Variants in SLC44A5 observed in about 807,000 individuals in gnomAD.
SLC44A5 encodes choline transporter-like protein 5.
SLC44A5 carries 57 observed loss-of-function variants against 101.8 expected under a neutral mutation model. The observed-to-expected ratio is 0.56, with a 90% CI of 0.45 to 0.70. The LOEUF (loss-of-function observed/expected upper bound fraction) is 0.70, where lower values mean the gene tolerates loss of function less well. SLC44A5 is among the 30% of genes least tolerant of loss of function. The pLI, the probability that SLC44A5 is intolerant of heterozygous loss-of-function variation, is 0.00. For missense variants in SLC44A5, 737 were observed against 853.1 expected (o/e 0.86, Z 1.70); for synonymous variants, 281 against 290.9 (o/e 0.97, Z 0.35).
chr1:75,481,477 A>G (rs1019304856), intron 2 of SLC44A5, among the ~76,000 whole-genome samples: 2 of 150,192 alleles, frequency 1.3e-5, no homozygotes, highest in African/African-American at 4.9e-5. Context: ...AACCTACAAA[A>G]TGGGAGAAAA....
rs1376078606 is a variant in SLC44A5, at chr1:75,280,473, TA to T, written c.176-5432del. On this transcript the variant is annotated intron_variant, in intron 5 of 23. Coordinates refer to ENST00000370859, the MANE Select transcript of SLC44A5 (RefSeq NM_001130058.2). Reference sequence around the variant, plus strand: ...TATTATATATAGTATATATAATATATAATTGTATATATTATATATATTATAT... The same window carrying T: ...TATTATATATAGTATATATAATATATATTGTATATATTATATATATTATAT... Among the ~76,000 whole-genome samples, 46 of 114,508 alleles carry T rather than the reference TA, an allele frequency of 4.0e-4. 1 individual carries two copies. The highest frequency in any genetic ancestry group is 3.0e-3 in the East Asian group (13 of 4,376). The allele number at this position is 114,508 out of a possible 152,430, so 75.1% of individuals were successfully genotyped here. A position where few individuals can be genotyped will look rare whatever the true frequency, so the allele number is the denominator to read the frequency against.
intron 4 of SLC44A5, among the ~76,000 whole-genome samples, chr1:75,303,267 G>T (rs1040652333): frequency 2.0e-5 from 3 of 152,090 alleles, no homozygotes; most frequent in African/African-American, 7.2e-5. Flanking sequence ...CCGGAGTCTT[G>T]CTCTGTCACC....
At chr1:75,420,303 A>C (rs1476695085) in intron 2 of SLC44A5, among the ~76,000 whole-genome samples, 1 of 152,168 alleles carries the variant, frequency 6.6e-6, no homozygotes, top group South Asian at 2.1e-4. Flanking sequence ...CAATTGGTAA[A>C]AAATAAAACA....
At chr1:75,597,823 A>T (rs1434037453) in intron 1 of SLC44A5, among the ~76,000 whole-genome samples, 1 of 152,212 alleles carries the variant, frequency 6.6e-6, no homozygotes, top group African/African-American at 2.4e-5. Context: ...TATAAAACCT[A>T]AAAGTATAAA....
intron 5 of SLC44A5, among the ~76,000 whole-genome samples, chr1:75,295,267 G>A (rs1244863924): frequency 2.6e-5 from 4 of 152,198 alleles, no homozygotes; most frequent in Admixed American, 2.6e-4. Flanking sequence ...TTCTTTGTAT[G>A]GACAGAATGA....
intron 2 of SLC44A5, among the ~76,000 whole-genome samples, chr1:75,509,398 AAT>A (rs1669445202): frequency 6.6e-6 from 1 of 152,232 alleles, no homozygotes; most frequent in Admixed American, 6.5e-5. Flanking sequence ...TAGAAGACTC[AAT>A]ATGTTTGCCC....
At chr1:75,266,936 T>A (rs966701726) in intron 6 of SLC44A5, among the ~76,000 whole-genome samples, 5 of 152,192 alleles carry the variant, frequency 3.3e-5, no homozygotes, top group Admixed American at 6.6e-5. Flanking sequence ...GGAAGAGGAA[T>A]GGTGACGGTG....
intron 5 of SLC44A5, among the ~76,000 whole-genome samples, chr1:75,290,144 C>T (rs75278970): frequency 0.058 from 8,856 of 152,126 alleles, 300 homozygotes; most frequent in Middle Eastern, 0.13. Flanking sequence ...ACAATGTGTA[C>T]GCAACAAATT....
chr1:75,709,460 G>A, the SLC44A5 span, among the ~76,000 whole-genome samples: 9 of 152,152 alleles, frequency 5.9e-5, no homozygotes, highest in East Asian at 7.7e-4. Flanking sequence ...TACTCACATC[G>A]CCAAGAATTT....
the SLC44A5 span, among the ~76,000 whole-genome samples, chr1:75,699,599 GA>G: frequency 0.076 from 7,714 of 102,006 alleles, 231 homozygotes; most frequent in South Asian, 0.11. Flanking sequence ...ACCAATTAAC[GA>G]AAAAAAAAAA....
chr1:75,507,233 G>C (rs1669310920), intron 2 of SLC44A5, among the ~76,000 whole-genome samples: 1 of 152,064 alleles, frequency 6.6e-6, no homozygotes, highest in East Asian at 1.9e-4. Flanking sequence ...TCAATGCCTA[G>C]TTTGTTGAGA....
intron 12 of SLC44A5, among the ~76,000 whole-genome samples, chr1:75,232,184 C>T (rs183162814): frequency 7.2e-4 from 110 of 152,132 alleles, no homozygotes; most frequent in East Asian, 1.5e-3. Flanking sequence ...CAATAGGGAG[C>T]GAAAATTAAG....
intron 3 of SLC44A5, chr1:75,357,185 T>C (rs1321327775): frequency 1.1e-5 from 5 of 455,860 alleles, no homozygotes; most frequent in Admixed American, 4.7e-5. Context: ...GAATTAACGT[T>C]ATGCCTTTTC....
chr1:75,548,278 C>A (rs1157779516), intron 1 of SLC44A5, among the ~76,000 whole-genome samples: 3 of 151,980 alleles, frequency 2.0e-5, no homozygotes, highest in African/African-American at 7.2e-5. Context: ...TGTGTTCAGA[C>A]AAGAATCAAA....
intron 2 of SLC44A5, among the ~76,000 whole-genome samples, chr1:75,530,858 AAGTG>A (rs1670675439): frequency 2.0e-5 from 3 of 152,214 alleles, no homozygotes; most frequent in Admixed American, 1.3e-4. Flanking sequence ...TCAGCCATCA[AAGTG>A]AGTCAGAAGT....
the SLC44A5 span, among the ~76,000 whole-genome samples, chr1:75,647,554 T>C: frequency 6.6e-6 from 1 of 152,144 alleles, no homozygotes; most frequent in Non-Finnish European, 1.5e-5. Context: ...CCACAGATAC[T>C]TAATACCAGC....
intron 3 of SLC44A5, among the ~76,000 whole-genome samples, chr1:75,351,077 G>A (rs1182138833): frequency 6.0e-5 from 9 of 149,798 alleles, no homozygotes; most frequent in Admixed American, 5.9e-4. Flanking sequence ...TGAAAGTACA[G>A]CAAAACTCGC....
At chr1:75,715,169 T>C in the SLC44A5 span, among the ~76,000 whole-genome samples, 1 of 152,104 alleles carries the variant, frequency 6.6e-6, no homozygotes, top group Non-Finnish European at 1.5e-5. Flanking sequence ...AGAAAAACAT[T>C]CCATGCTCAT....
At chr1:75,270,858 G>A (rs1182825075) in intron 6 of SLC44A5, among the ~76,000 whole-genome samples, 3 of 152,084 alleles carry the variant, frequency 2.0e-5, no homozygotes, top group Admixed American at 6.6e-5. Flanking sequence ...ACTGAAATTT[G>A]TGCTGTCACA....
Sources: gnomAD v4.1 joint callset for allele counts (sites outside exome capture counted in the v4.1 genomes callset) on GRCh38, gnomAD v4.1.1 for gene constraint, MANE v1.5 for transcripts, NCBI Gene and HGNC (gene_info 2026-07-23, HGNC 2026-07-21) for gene names.